FCHSD2: variants seen among roughly 807,000 people sequenced by gnomAD.
The protein encoded by FCHSD2 is FCH and double SH3 domains 2.
FCHSD2 carries 38 observed loss-of-function variants against 108.1 expected under a neutral mutation model. The observed-to-expected ratio is 0.35, with a 90% confidence interval of 0.27 to 0.46. The LOEUF is 0.46. Ranked by LOEUF, FCHSD2 falls within the 20% of genes least tolerant of loss-of-function variation. The pLI is 1.00. For synonymous variants in FCHSD2, 279 were observed against 314.7 expected (o/e 0.89, Z 1.20); for missense variants, 751 against 897.8 (o/e 0.84, Z 2.09).
At chr11:72,977,205 A>G (rs909838774) in intron 8 of FCHSD2, among the ~76,000 whole-genome samples, 1 of 152,204 alleles carries the variant, frequency 6.6e-6, no homozygotes, top group Non-Finnish European at 1.5e-5. Flanking sequence ...TACAGGTGTG[A>G]GCCACTACAC....
intron 10 of FCHSD2, among the ~76,000 whole-genome samples, chr11:72,893,748 CAA>C (rs369829973): frequency 9.9e-6 from 1 of 101,074 alleles, no homozygotes; most frequent in African/African-American, 3.7e-5. Flanking sequence ...ACTCTGTCTC[CAA>C]AAAAAAAAAA....
chr11:73,120,208 A>G (rs937478106), intron 2 of FCHSD2, among the ~76,000 whole-genome samples: 1 of 152,136 alleles, frequency 6.6e-6, no homozygotes, highest in Non-Finnish European at 1.5e-5. Flanking sequence ...TTGGGTGGGG[A>G]CACAGACCCA....
At chr11:73,021,262 G>A (rs1049321590) in intron 3 of FCHSD2, among the ~76,000 whole-genome samples, 14 of 150,978 alleles carry the variant, frequency 9.3e-5, no homozygotes, top group South Asian at 2.1e-4. Flanking sequence ...GCACACATAC[G>A]TTCACTGCAG....
chr11:72,989,073 G>T lies in FCHSD2; in HGVS notation c.412C>A (p.Gln138Lys). 1 of 1,608,664 alleles carries T rather than the reference G, an allele frequency of 6.2e-7. No homozygotes were observed. Among genetic ancestry groups the T allele is most frequent in the Non-Finnish European group, 8.5e-7 (1 of 1,176,972 alleles). Residue 138 changes from glutamine (Q) to lysine (K), a missense_variant, in exon 6 of 20, where the codon CAA (glutamine) becomes AAA (lysine). Physicochemically the swap from Gln to Lys is moderately conservative, Grantham distance 53. Transcript: ENST00000409418. ...TTCACTGTCTCTTGTAATTCAGTTT[G>T]GATCTTTGTCAACTGGTCCACACAC... ...KRCVDQLTKI[Q>K]TELQETVKDL...
chr11:73,087,359 ATAAAG>A (rs994821135), intron 2 of FCHSD2, among the ~76,000 whole-genome samples: 1 of 152,164 alleles, frequency 6.6e-6, no homozygotes, highest in Admixed American at 6.5e-5. Context: ...TTACAAGTTT[ATAAAG>A]TAAAAAAGTT....
At chr11:72,921,983 T>C (rs1855983862) in intron 8 of FCHSD2, 33 bp from the exon 9 acceptor site, 1 of 1,504,418 alleles carries the variant, frequency 6.6e-7, no homozygotes, top group Admixed American at 2.0e-5. Context: ...AGAAAAAAAA[T>C]TACAGTAAAG....
chr11:72,976,826 T>A (rs764403211), intron 8 of FCHSD2, among the ~76,000 whole-genome samples: 1 of 151,946 alleles, frequency 6.6e-6, no homozygotes, highest in Non-Finnish European at 1.5e-5. Context: ...AAACTGGACA[T>A]CCATATGCAG....
intron 3 of FCHSD2, among the ~76,000 whole-genome samples, chr11:73,026,576 G>C (rs933348478): frequency 6.6e-6 from 1 of 152,102 alleles, no homozygotes; most frequent in African/African-American, 2.4e-5. Flanking sequence ...TTAAAGATAG[G>C]GGGAGGTGGT....
chr11:72,926,362 T>C (rs1856076097), intron 8 of FCHSD2, among the ~76,000 whole-genome samples: 1 of 151,868 alleles, frequency 6.6e-6, no homozygotes, highest in Non-Finnish European at 1.5e-5. Flanking sequence ...AGAGGAGGAA[T>C]AGGGTAGAGA....
intron 2 of FCHSD2, among the ~76,000 whole-genome samples, chr11:73,090,734 C>G (rs147533718): frequency 2.4e-3 from 361 of 152,228 alleles, no homozygotes; most frequent in African/African-American, 8.1e-3. Context: ...TGAATGTAAA[C>G]TATGTGCATA....
intron 3 of FCHSD2, among the ~76,000 whole-genome samples, chr11:73,045,254 A>C (rs1047682803): frequency 6.6e-6 from 1 of 151,822 alleles, no homozygotes; most frequent in Admixed American, 6.6e-5. Flanking sequence ...CGATCATTAA[A>C]AAGTCAGGAA....
intron 3 of FCHSD2, among the ~76,000 whole-genome samples, chr11:73,056,361 T>C (rs190899543): frequency 6.6e-6 from 1 of 152,334 alleles, no homozygotes; most frequent in African/African-American, 2.4e-5. Flanking sequence ...AGTTATTTTT[T>C]ACTGCTAGGG....
intron 13 of FCHSD2, among the ~76,000 whole-genome samples, chr11:72,862,198 A>T (rs1861592750): frequency 6.6e-6 from 1 of 152,234 alleles, no homozygotes; most frequent in South Asian, 2.1e-4. Flanking sequence ...ATTCTTGCTA[A>T]AAGTTCAAGA....
chr11:73,086,079 C>CG (rs1859807890), intron 2 of FCHSD2, among the ~76,000 whole-genome samples: 1 of 152,120 alleles, frequency 6.6e-6, no homozygotes, highest in Admixed American at 6.5e-5. Flanking sequence ...AGCAGTGCTA[C>CG]GGGGGAAATT....
In FCHSD2 at chr11:72,930,670, G is replaced by A. The variant is rs566955209; in HGVS notation, c.706-8720C>T. Reference sequence around the variant, plus strand: ...TGAGGCATAAGAATTGCTAGAACCTGGGAGGGAGGCTACAGTAAGCCAAAA... The same window carrying A: ...TGAGGCATAAGAATTGCTAGAACCTAGGAGGGAGGCTACAGTAAGCCAAAA... On this transcript the variant is annotated intron_variant, in intron 8 of 19. Transcript: ENST00000409418. Among the ~76,000 whole-genome samples, 6 of 152,232 alleles carry A rather than the reference G, an allele frequency of 3.9e-5. No individual in the cohort carries two copies. In the South Asian group the frequency reaches 1.2e-3, roughly 32 times the overall value.
chr11:73,119,559 G>T (rs1860683818), intron 2 of FCHSD2, among the ~76,000 whole-genome samples: 1 of 151,882 alleles, frequency 6.6e-6, no homozygotes, highest in Non-Finnish European at 1.5e-5. Context: ...CAACCTCCTG[G>T]GTGCAGCCTC....
rs192538959 is a variant in FCHSD2, at chr11:73,021,074, C to T, written c.166-5189G>A. On this transcript the variant is annotated intron_variant, in intron 3 of 19. Transcript: ENST00000409418. ...AAAATTTTTTGTAGAGATGGGGTCT[C>T]GCTATGTTGCCCAGGTTGATCTGAA... 3.7e-3 allele frequency among the ~76,000 whole-genome samples: 565 copies of T among 152,038 alleles called. 1 individual carries two copies. Among genetic ancestry groups the T allele is most frequent in the African/African-American group, 0.013 (542 of 41,470 alleles).
intron 3 of FCHSD2, among the ~76,000 whole-genome samples, chr11:73,054,222 GAAAA>G (rs111482231): frequency 0.015 from 2,041 of 137,470 alleles, 47 homozygotes; most frequent in African/African-American, 0.05. Context: ...GTCCTTTGCA[GAAAA>G]AAAAAAAAAA....
At chr11:72,846,676 T>C (rs1318679276) in intron 14 of FCHSD2, among the ~76,000 whole-genome samples, 1 of 152,222 alleles carries the variant, frequency 6.6e-6, no homozygotes, top group African/African-American at 2.4e-5. Flanking sequence ...CCTTAAGTCC[T>C]AGTATCCAGT....
Sources: gnomAD v4.1 joint callset for allele counts (sites outside exome capture counted in the v4.1 genomes callset) on GRCh38, gnomAD v4.1.1 for gene constraint, MANE v1.5 for transcripts, NCBI Gene and HGNC (gene_info 2026-07-23, HGNC 2026-07-21) for gene names.